CUL4A: variants seen among roughly 807,000 people sequenced by gnomAD.
CUL4A encodes the protein cullin 4A, also known as cullin-4A.
CUL4A carries 16 observed loss-of-function variants against 95.5 expected under a neutral mutation model. That is an observed-to-expected ratio of 0.17 (90% CI 0.11 to 0.25). The LOEUF is 0.25. Among genes scored for constraint, CUL4A ranks in the 10% least tolerant of loss-of-function variants. The pLI, the probability that CUL4A is intolerant of heterozygous loss-of-function variation, is 1.00. For synonymous variants in CUL4A, 380 were observed against 353.1 expected, an observed-to-expected ratio of 1.08 and a Z score of -0.85; for missense variants, 610 against 937.0, an observed-to-expected ratio of 0.65 and a Z score of 4.56.
intron 15 of CUL4A, among the ~76,000 whole-genome samples, chr13:113,249,411 C>T (rs1205766742): frequency 1.3e-5 from 2 of 152,184 alleles, no homozygotes; most frequent in Non-Finnish European, 2.9e-5. Context: ...TTATTCCATC[C>T]GTGCTGCACC....
chr13:113,247,832 A>G (rs1294226788), intron 15 of CUL4A, among the ~76,000 whole-genome samples: 1 of 152,156 alleles, frequency 6.6e-6, no homozygotes, highest in Non-Finnish European at 1.5e-5. Context: ...GCACCTGTCA[A>G]ATGAGGGCAT....
intron 16 of CUL4A, among the ~76,000 whole-genome samples, chr13:113,254,304 A>G (rs1424541987): frequency 6.6e-6 from 1 of 152,154 alleles, no homozygotes; most frequent in Non-Finnish European, 1.5e-5. Flanking sequence ...ATTCACCCCT[A>G]CGTTACAGTC....
At chr13:113,222,789 A>G (rs1283174274) in intron 3 of CUL4A, among the ~76,000 whole-genome samples, 2 of 152,030 alleles carry the variant, frequency 1.3e-5, no homozygotes, top group East Asian at 1.9e-4. Flanking sequence ...GGTCCCAGCT[A>G]CTCTGGAGGC....
chr13:113,244,852 A>C lies in CUL4A; in HGVS notation c.1334-97A>C, dbSNP rs985449979. 3.7e-6 allele frequency: 3 copies of C among 817,858 alleles called. No homozygotes were observed. The African/African-American group carries it at 5.2e-5, about 14-fold the overall frequency. The allele number at this position is 817,858 out of a possible 1,614,324, so 50.7% of individuals were successfully genotyped here. A position where few individuals can be genotyped will look rare whatever the true frequency, so the allele number is the denominator to read the frequency against. On this transcript the variant is annotated intron_variant, in intron 12 of 19. Coordinates refer to ENST00000375440, the MANE Select transcript of CUL4A (RefSeq NM_001008895.4). Reference sequence around the variant, plus strand: ...AAGACTCTGTCTCAAAAAAAAAAAAAAACACTTTTAAGGGTTTTCAGCAGT... The same window carrying C: ...AAGACTCTGTCTCAAAAAAAAAAAACAACACTTTTAAGGGTTTTCAGCAGT...
At chr13:113,261,392 T>C (rs556996815) in intron 19 of CUL4A, among the ~76,000 whole-genome samples, 1 of 152,294 alleles carries the variant, frequency 6.6e-6, no homozygotes, top group South Asian at 2.1e-4. Flanking sequence ...CCAGATTCCA[T>C]GTTGTGCAGT....
At chr13:113,237,311 G>A (rs958377558) in intron 9 of CUL4A, among the ~76,000 whole-genome samples, 5 of 152,188 alleles carry the variant, frequency 3.3e-5, no homozygotes, top group East Asian at 1.9e-4. Context: ...TGCGGACTTC[G>A]TGCATCTTAG....
At chr13:113,250,889 G>T (rs1403708861) in intron 15 of CUL4A, among the ~76,000 whole-genome samples, 1 of 152,138 alleles carries the variant, frequency 6.6e-6, no homozygotes, top group Non-Finnish European at 1.5e-5. Flanking sequence ...GGTGCAGCAG[G>T]TGATTTATAC....
At chr13:113,254,622 G>T (rs775624550) in intron 16 of CUL4A, 71 bp from the exon 17 acceptor site, 108 of 1,090,038 alleles carry the variant, frequency 9.9e-5, no homozygotes, top group Non-Finnish European at 1.3e-4. Context: ...AGAGCAAAAA[G>T]AAGCTTCTTT....
intron 10 of CUL4A, 123 bp from the exon 11 acceptor site, chr13:113,242,845 G>A: frequency 4.2e-6 from 3 of 716,870 alleles, no homozygotes; most frequent in Non-Finnish European, 4.4e-6. Flanking sequence ...AACTTTTAAA[G>A]TTATTGAGTA....
intron 2 of CUL4A, among the ~76,000 whole-genome samples, chr13:113,218,429 A>G (rs2040774165): frequency 6.6e-6 from 1 of 152,190 alleles, no homozygotes; most frequent in African/African-American, 2.4e-5. Flanking sequence ...TGTGAGGGGA[A>G]GGCCCAGCCT....
In CUL4A at chr13:113,243,054, C is replaced by G. The variant is rs761372324; in HGVS notation, c.1122C>G (p.His374Gln). The change falls in exon 11 of 20, where the codon CAC becomes CAG. Residue 374 changes from histidine (H) to glutamine (Q), a missense_variant. By Grantham distance (24) the His-to-Gln change is conservative. Around this residue, in one of 10 missense-constraint regions of CUL4A, gnomAD observed 153 missense variants for 244.5 expected, o/e 0.63. Transcript: ENST00000375440. ...TGGACTTCAAGGACAAGGTGGACCA[C>G]GTGATCGAGGTCTGCTTCCAGAAGA... Reference protein sequence around the residue: ...DLLDFKDKVDHVIEVCFQKNE... With the variant: ...DLLDFKDKVDQVIEVCFQKNE... 1 of 1,614,136 alleles carries G rather than the reference C, an allele frequency of 6.2e-7. No individual in the cohort carries two copies. The highest frequency in any genetic ancestry group is 8.5e-7 in the Non-Finnish European group (1 of 1,179,978).
At chr13:113,263,366 A>T in intron 19 of CUL4A, 121 bp from the exon 20 acceptor site, 2 of 396,642 alleles carry the variant, frequency 5.0e-6, no homozygotes, top group Non-Finnish European at 9.1e-6. Flanking sequence ...TCATATAAAT[A>T]TCTATTTGTA....
chr13:113,225,904 G>A (rs2041086509), intron 3 of CUL4A, among the ~76,000 whole-genome samples: 1 of 152,188 alleles, frequency 6.6e-6, no homozygotes, highest in African/African-American at 2.4e-5. Flanking sequence ...CAACCATTAG[G>A]TCTTTGCTGT....
At chr13:113,230,887 T>G (rs1265966939) in intron 5 of CUL4A, among the ~76,000 whole-genome samples, 1 of 152,084 alleles carries the variant, frequency 6.6e-6, no homozygotes, top group African/African-American at 2.4e-5. Context: ...CTTCCTGCGT[T>G]GGCCTCCCCT....
At chr13:113,242,273 A>C (rs547488625) in intron 10 of CUL4A, among the ~76,000 whole-genome samples, 17 of 152,202 alleles carry the variant, frequency 1.1e-4, no homozygotes, top group South Asian at 8.3e-4. Context: ...CAAAACAAAA[A>C]AAAAAAAGTA....
upstream of CUL4A, chr13:113,208,518 T>C: frequency 3.2e-6 from 5 of 1,562,218 alleles, no homozygotes; most frequent in Non-Finnish European, 3.5e-6. Context: ...GGAAAAGGCC[T>C]GAGGGTCCAA....
chr13:113,208,287 T>C, upstream of CUL4A: 1 of 1,433,000 alleles, frequency 7.0e-7, no homozygotes, highest in South Asian at 1.5e-5. Context: ...TCGGACCGCC[T>C]GGGAGCGCGG....
At chr13:113,211,338 T>G (rs767465982) in intron 2 of CUL4A, among the ~76,000 whole-genome samples, 3 of 152,364 alleles carry the variant, frequency 2.0e-5, no homozygotes, top group African/African-American at 4.8e-5. Context: ...AGTTGTTTTA[T>G]CCATTCACCA....
At chr13:113,251,670 T>C (rs569215862) in intron 15 of CUL4A, among the ~76,000 whole-genome samples, 15 of 152,258 alleles carry the variant, frequency 9.9e-5, no homozygotes, top group Admixed American at 5.2e-4. Context: ...TCTTCCCTGC[T>C]CCCGTCATGT....
Sources: allele counts gnomAD v4.1 joint callset (sites outside exome capture counted in the v4.1 genomes callset), GRCh38; gene constraint gnomAD v4.1.1; regional missense constraint gnomAD v4.1.1; transcripts MANE v1.5; gene names NCBI Gene and HGNC (gene_info 2026-07-23, HGNC 2026-07-21).